IL1R1: variants seen among roughly 807,000 people sequenced by gnomAD.
The protein encoded by IL1R1 is interleukin-1 receptor type 1.
Under a neutral mutation model 50.2 loss-of-function variants are expected in IL1R1, and 22 were observed. The observed-to-expected ratio is 0.44, with a 90% CI of 0.31 to 0.63. IL1R1 has a LOEUF of 0.63. IL1R1 is among the 20% of genes least tolerant of loss of function. The probability of loss-of-function intolerance (pLI) is 0.07; values close to 1 mark genes in which losing one functional copy is unlikely to be tolerated. For missense variants in IL1R1, 509 were observed against 676.2 expected, an observed-to-expected ratio of 0.75 and a Z score of 2.74; for synonymous variants, 251 against 236.7, an observed-to-expected ratio of 1.06 and a Z score of -0.55.
At chr2:102,169,783 C>T (rs1197367718) in intron 7 of IL1R1, among the ~76,000 whole-genome samples, 1 of 152,240 alleles carries the variant, frequency 6.6e-6, no homozygotes, top group East Asian at 1.9e-4. Flanking sequence ...CCAATAGGCT[C>T]TAGAACAATG....
chr2:102,174,527 A>C (rs1685945083), intron 9 of IL1R1, 60 bp from the exon 10 acceptor site: 1 of 1,340,796 alleles, frequency 7.5e-7, no homozygotes, highest in East Asian at 2.4e-5. Context: ...TGCTGTGCTC[A>C]AAGTTTTAAT....
intron 1 of IL1R1, among the ~76,000 whole-genome samples, chr2:102,146,588 A>C (rs1334563976): frequency 6.6e-6 from 1 of 152,202 alleles, no homozygotes; most frequent in African/African-American, 2.4e-5. Flanking sequence ...CTCTCGGTTA[A>C]GGTCTTGATG....
At chr2:102,105,053 G>A (rs937462476) in intron 1 of IL1R1, among the ~76,000 whole-genome samples, 1 of 152,150 alleles carries the variant, frequency 6.6e-6, no homozygotes, top group African/African-American at 2.4e-5. Context: ...TGGCTCTGTA[G>A]GCATGTTTCA....
intron 1 of IL1R1, among the ~76,000 whole-genome samples, chr2:102,119,693 A>T (rs906507691): frequency 6.1e-4 from 92 of 151,614 alleles, no homozygotes; most frequent in African/African-American, 2.1e-3. Flanking sequence ...AATTGTGTAT[A>T]TTTAAGGTAT....
At chr2:102,116,471 ACT>A (rs1227440422) in intron 1 of IL1R1, among the ~76,000 whole-genome samples, 3 of 152,110 alleles carry the variant, frequency 2.0e-5, no homozygotes, top group Non-Finnish European at 2.9e-5. Flanking sequence ...TAAATGGCTG[ACT>A]CTTCTGCAAA....
At chr2:102,140,208 C>A (rs1043599217), upstream of IL1R1, among the ~76,000 whole-genome samples, 10 of 152,242 alleles carry the variant, frequency 6.6e-5, no homozygotes, top group African/African-American at 2.4e-4. Flanking sequence ...TTCTTTCAAG[C>A]CTAGCCTTAA....
At chr2:102,164,336 C>T (rs1684983159) in intron 3 of IL1R1, among the ~76,000 whole-genome samples, 1 of 152,126 alleles carries the variant, frequency 6.6e-6, no homozygotes, top group Non-Finnish European at 1.5e-5. Context: ...TTTTGGACAC[C>T]TCCTTTCTTC....
At chr2:102,099,910 C>A (rs1054089046), upstream of IL1R1, among the ~76,000 whole-genome samples, 1 of 152,168 alleles carries the variant, frequency 6.6e-6, no homozygotes, top group South Asian at 2.1e-4. Flanking sequence ...ATCTTAATGG[C>A]GTCTTTTGGG....
chr2:102,166,022 G>A, intron 5 of IL1R1, 91 bp from the exon 6 acceptor site: 1 of 1,083,800 alleles, frequency 9.2e-7, no homozygotes, highest in Non-Finnish European at 1.3e-6. Context: ...TATAACATTT[G>A]CTAAGGTGAA....
intron 1 of IL1R1, among the ~76,000 whole-genome samples, chr2:102,132,154 C>T (rs1410203720): frequency 6.6e-6 from 1 of 151,526 alleles, no homozygotes; most frequent in Admixed American, 6.6e-5. Context: ...CTGAATTAAT[C>T]ACTAACAGAC....
At chr2:102,073,262 A>G (rs1427668102) in intron 1 of IL1R1, among the ~76,000 whole-genome samples, 1 of 152,222 alleles carries the variant, frequency 6.6e-6, no homozygotes, top group Non-Finnish European at 1.5e-5. Flanking sequence ...TGAACATCAT[A>G]GACAAGGTTC....
intron 1 of IL1R1, among the ~76,000 whole-genome samples, chr2:102,121,548 C>T (rs980292004): frequency 1.3e-5 from 2 of 152,176 alleles, no homozygotes; most frequent in African/African-American, 4.8e-5. Context: ...TCTAGCTCTA[C>T]AGGAAGGGCC....
At chr2:102,143,535 A>G (rs1013465067) in intron 1 of IL1R1, among the ~76,000 whole-genome samples, 5 of 152,220 alleles carry the variant, frequency 3.3e-5, no homozygotes, top group African/African-American at 1.2e-4. Context: ...TTTACAGTTT[A>G]TAAGCCCTTG....
At chr2:102,161,889 G>T (rs1309516365) in intron 3 of IL1R1, among the ~76,000 whole-genome samples, 3 of 151,766 alleles carry the variant, frequency 2.0e-5, no homozygotes, top group South Asian at 4.2e-4. Flanking sequence ...TTTAGTAGAG[G>T]TGGAGTTTCA....
chr2:102,176,221 T>C, intron 11 of IL1R1, 132 bp from the exon 12 acceptor site: 1 of 706,814 alleles, frequency 1.4e-6, no homozygotes, highest in Non-Finnish European at 2.3e-6. Context: ...GGGAAACTCC[T>C]TTAATTTTAA....
upstream of IL1R1, among the ~76,000 whole-genome samples, chr2:102,099,766 T>G (rs1299649884): frequency 2.6e-5 from 4 of 152,216 alleles, no homozygotes; most frequent in African/African-American, 9.7e-5. Flanking sequence ...TTTGTTTGGT[T>G]TTGTTTTCCA....
intron 1 of IL1R1, among the ~76,000 whole-genome samples, chr2:102,114,931 G>A (rs958278765): frequency 6.6e-6 from 1 of 152,180 alleles, no homozygotes; most frequent in African/African-American, 2.4e-5. Context: ...TTTCTTGGCT[G>A]GGCCCCAGTC....
intron 1 of IL1R1, among the ~76,000 whole-genome samples, chr2:102,120,479 C>T (rs1259401120): frequency 6.6e-6 from 1 of 152,120 alleles, no homozygotes; most frequent in Non-Finnish European, 1.5e-5. Flanking sequence ...AGGAAAGGCA[C>T]AATTCCTGCC....
upstream of IL1R1, among the ~76,000 whole-genome samples, chr2:102,100,978 C>T (rs1187414720): frequency 2.0e-5 from 3 of 152,096 alleles, no homozygotes; most frequent in Non-Finnish European, 4.4e-5. Context: ...CAGTGGCCAT[C>T]GGGGATGGCA....
Sources: gnomAD v4.1 joint callset for allele counts (sites outside exome capture counted in the v4.1 genomes callset) on GRCh38, gnomAD v4.1.1 for gene constraint, MANE v1.5 for transcripts, NCBI Gene and HGNC (gene_info 2026-07-23, HGNC 2026-07-21) for gene names.